The following SOX5 variants were observed in gnomAD, a reference collection of about 807,000 sequenced individuals.
SOX5 encodes transcription factor SOX-5.
SOX5 carries 9 observed loss-of-function variants against 92.0 expected under a neutral mutation model. The observed-to-expected ratio is 0.10, with a 90% CI of 0.06 to 0.17. SOX5 has a LOEUF of 0.17. SOX5 is among the 10% of genes least tolerant of loss of function. The pLI, the probability that SOX5 is intolerant of heterozygous loss-of-function variation, is 1.00. For synonymous variants in SOX5, 344 were observed against 336.3 expected (o/e 1.02, Z -0.25); for missense variants, 642 against 944.5 (o/e 0.68, Z 4.20).
chr12:24,168,310 A>G (rs1253520121), intron 4 of SOX5, among the ~76,000 whole-genome samples: 4 of 152,086 alleles, frequency 2.6e-5, no homozygotes, highest in East Asian at 1.9e-4. Flanking sequence ...CTCCTACTAA[A>G]TGTGTGTCAC....
chr12:23,555,722 G>A (rs1053173985), intron 11 of SOX5, among the ~76,000 whole-genome samples: 3 of 152,120 alleles, frequency 2.0e-5, no homozygotes, highest in Non-Finnish European at 4.4e-5. Flanking sequence ...TGGCAAAAAA[G>A]GACTAAACTT....
intron 6 of SOX5, among the ~76,000 whole-genome samples, chr12:23,702,169 T>C (rs966267134): frequency 3.3e-5 from 5 of 152,070 alleles, no homozygotes; most frequent in Non-Finnish European, 5.9e-5. Context: ...AATACCTATA[T>C]GTCTCAAGAT....
intron 11 of SOX5, among the ~76,000 whole-genome samples, chr12:23,562,097 TC>T (rs1946310706): frequency 6.6e-6 from 1 of 152,136 alleles, no homozygotes; most frequent in Admixed American, 6.5e-5. Context: ...CACTTTGCTT[TC>T]CCCCTTCCTT....
intron 4 of SOX5, among the ~76,000 whole-genome samples, chr12:24,018,451 A>G (rs1204105764): frequency 6.6e-6 from 1 of 152,198 alleles, no homozygotes; most frequent in Non-Finnish European, 1.5e-5. Context: ...GAAGGAATCT[A>G]AATTTTGCAT....
At chr12:24,387,369 A>G (rs920657920) in intron 1 of SOX5, among the ~76,000 whole-genome samples, 1 of 152,190 alleles carries the variant, frequency 6.6e-6, no homozygotes, top group African/African-American at 2.4e-5. Flanking sequence ...GCAATTTTTT[A>G]AAGCTCATCA....
intron 4 of SOX5, among the ~76,000 whole-genome samples, chr12:24,129,265 T>C (rs1297151506): frequency 6.6e-6 from 1 of 152,222 alleles, no homozygotes; most frequent in Non-Finnish European, 1.5e-5. Flanking sequence ...ACAGCTTTAG[T>C]CTACGTCTGT....
chr12:24,325,436 TAG>T (rs1179452752), intron 2 of SOX5, among the ~76,000 whole-genome samples: 1 of 151,924 alleles, frequency 6.6e-6, no homozygotes, highest in Admixed American at 6.6e-5. Flanking sequence ...ATAAAGAAAA[TAG>T]AGAGGGAAGA....
chr12:23,860,343 A>G (rs948199869), intron 2 of SOX5, among the ~76,000 whole-genome samples: 2 of 152,160 alleles, frequency 1.3e-5, no homozygotes, highest in African/African-American at 4.8e-5. Context: ...TCCCAATCCT[A>G]GAGACAATTT....
At chr12:23,546,471 T>G (rs780287740) in intron 11 of SOX5, 47 bp from the exon 12 acceptor site, 1 of 1,101,958 alleles carries the variant, frequency 9.1e-7, no homozygotes, top group Non-Finnish European at 1.4e-6. Flanking sequence ...TTAAAATTAT[T>G]TGAAGACTTT....
intron 6 of SOX5, among the ~76,000 whole-genome samples, chr12:23,708,550 A>C (rs1378329697): frequency 6.6e-6 from 1 of 152,182 alleles, no homozygotes; most frequent in East Asian, 1.9e-4. Context: ...AAACATTAGG[A>C]GAGTTTTTCT....
intron 1 of SOX5, among the ~76,000 whole-genome samples, chr12:24,398,362 C>T (rs1381796094): frequency 6.6e-6 from 1 of 152,082 alleles, no homozygotes; most frequent in Non-Finnish European, 1.5e-5. Context: ...AAACAATTAA[C>T]CAGGTGTGGT....
chr12:24,291,754 G>A (rs1946645936), intron 2 of SOX5, among the ~76,000 whole-genome samples: 1 of 152,160 alleles, frequency 6.6e-6, no homozygotes, highest in African/African-American at 2.4e-5. Flanking sequence ...CAAGTATACT[G>A]ACTAAATGAG....
At chr12:24,400,131 T>C (rs564191028) in intron 1 of SOX5, among the ~76,000 whole-genome samples, 2 of 152,340 alleles carry the variant, frequency 1.3e-5, no homozygotes, top group East Asian at 1.9e-4. Flanking sequence ...CAAGTTTTAA[T>C]AGACTTCTCA....
intron 8 of SOX5, among the ~76,000 whole-genome samples, chr12:23,617,856 T>C (rs756851782): frequency 2.0e-4 from 30 of 152,306 alleles, no homozygotes; most frequent in Middle Eastern, 3.4e-3. Flanking sequence ...GCGAGAGTCA[T>C]GTAAGAACAC....
chr12:23,593,582 C>T (rs1951885479), intron 9 of SOX5, among the ~76,000 whole-genome samples: 3 of 151,968 alleles, frequency 2.0e-5, no homozygotes, highest in Admixed American at 2.0e-4. Context: ...AAATATAATG[C>T]AATAAAACTG....
chr12:24,535,323 C>T (rs557445916), intron 1 of SOX5, among the ~76,000 whole-genome samples: 76 of 152,246 alleles, frequency 5.0e-4, no homozygotes, highest in African/African-American at 1.7e-3. Context: ...GAAAAACAAC[C>T]CTTCATAAGT....
intron 4 of SOX5, among the ~76,000 whole-genome samples, chr12:24,053,927 T>C (rs1957846695): frequency 6.6e-6 from 1 of 152,192 alleles, no homozygotes; most frequent in South Asian, 2.1e-4. Flanking sequence ...GCAGGGAGGA[T>C]AAGTGACTTG....
chr12:23,541,570 T>TA (rs956066736), intron 13 of SOX5, among the ~76,000 whole-genome samples: 7 of 152,174 alleles, frequency 4.6e-5, no homozygotes, highest in African/African-American at 1.2e-4. Context: ...GGTAGAGATG[T>TA]AAAAAAATGT....
intron 4 of SOX5, among the ~76,000 whole-genome samples, chr12:24,126,241 A>G (rs935357343): frequency 1.3e-5 from 2 of 151,984 alleles, no homozygotes; most frequent in African/African-American, 4.8e-5. Context: ...CCAAATCTAT[A>G]TTTCTCCCTG....
Sources: allele counts gnomAD v4.1 joint callset (sites outside exome capture counted in the v4.1 genomes callset), GRCh38; gene constraint gnomAD v4.1.1; transcripts MANE v1.5; gene names NCBI Gene and HGNC (gene_info 2026-07-23, HGNC 2026-07-21).